Variants in PPP2R5B observed in about 807,000 individuals in gnomAD.
PPP2R5B encodes the protein protein phosphatase 2 regulatory subunit B'beta.
Under a neutral mutation model 59.9 loss-of-function variants are expected in PPP2R5B, and 19 were observed. The ratio of observed to expected loss-of-function variants is 0.32; its 90% CI spans 0.22 to 0.47. The LOEUF is 0.47. Among genes scored for constraint, PPP2R5B ranks in the 20% least tolerant of loss-of-function variants. The pLI is 1.00. For missense variants in PPP2R5B, 441 were observed against 640.2 expected (o/e 0.69, Z 3.36); for synonymous variants, 286 against 260.5 (o/e 1.10, Z -0.94).
chr11:64,921,003 G>A (rs1201384670), upstream of PPP2R5B, among the ~76,000 whole-genome samples: 2 of 148,494 alleles, frequency 1.3e-5, no homozygotes, highest in Admixed American at 6.9e-5. Flanking sequence ...TGCTCAGGCT[G>A]GAGTACAGGG....
rs888012611 is a variant in PPP2R5B, at chr11:64,931,909, TG to T, written c.1116+43del. On this transcript the variant is annotated intron_variant, in intron 11 of 13. Transcript: ENST00000164133. This position sits in a 1 kb window ranked among gnomAD's most constrained non-coding sequence, Gnocchi z 5.0. Reference sequence around the variant, plus strand: ...GGCGGGGATGGGAGCAGGGCTGGCCTGGAAAGGTTGGGTAGCTGACCTAATA... The same window carrying T: ...GGCGGGGATGGGAGCAGGGCTGGCCTGAAAGGTTGGGTAGCTGACCTAATA... 3 of 1,599,764 alleles carry T rather than the reference TG, an allele frequency of 1.9e-6. No individual in the cohort carries two copies. Among genetic ancestry groups the T allele is most frequent in the Non-Finnish European group, 2.6e-6 (3 of 1,173,472 alleles).
In PPP2R5B at chr11:64,931,888, G is replaced by A; in HGVS notation, c.1116+20G>A. The A allele has an allele frequency of 6.2e-7, 1 of 1,612,940 alleles. No individual in the cohort carries two copies. The highest frequency in any genetic ancestry group is 1.1e-5 in the South Asian group (1 of 90,894). On this transcript the variant is annotated intron_variant, in intron 11 of 13. Coordinates refer to ENST00000164133, the MANE Select transcript of PPP2R5B (RefSeq NM_006244.4). The surrounding 1 kb of genome is among the most constrained non-coding windows in gnomAD (Gnocchi z 5.0). The stretch of plus-strand genomic sequence containing the variant: ...TTCCAGGTATGAGGCAGGACAGGCG[G>A]GGATGGGAGCAGGGCTGGCCTGGAA...
chr11:64,928,882 C>T lies in PPP2R5B; in HGVS notation c.722+457C>T, dbSNP rs540515028. 6.6e-5 allele frequency among the ~76,000 whole-genome samples: 10 copies of T among 151,766 alleles called. No individual in the cohort carries two copies. In the East Asian group the frequency reaches 7.8e-4, roughly 12 times the overall value. On this transcript the variant is annotated intron_variant, in intron 6 of 13. Transcript: ENST00000164133. ...GTCCGGCCTGGGCGACAGAGCGAGACGGATGAACCCAGGAGGTGGAGTTTA... is the reference window on the plus strand; with the variant it reads ...GTCCGGCCTGGGCGACAGAGCGAGATGGATGAACCCAGGAGGTGGAGTTTA...
chr11:64,918,804 A>G (rs569955438), intron 1 of PPP2R5B, among the ~76,000 whole-genome samples: 1 of 152,160 alleles, frequency 6.6e-6, no homozygotes, highest in African/African-American at 2.4e-5. Context: ...TTCTATTTTA[A>G]TCTTACTTGG....
At chr11:64,920,963 A>ATATATATATAT (rs1554967940), upstream of PPP2R5B, among the ~76,000 whole-genome samples, 1 of 145,300 alleles carries the variant, frequency 6.9e-6, no homozygotes, top group South Asian at 2.2e-4. Flanking sequence ...ATATATATGT[A>ATATATATATAT]ATTTTTTTTT....
At position 64,925,622 on chromosome 11, in the gene PPP2R5B, C is replaced by CG; in HGVS notation, c.-113_-112insG. Reference sequence around the variant, plus strand: ...CCCAGGACTGTGGTTGTGCCCCCCCCCCAAAGGCCGGACAGGATGGGACCA... The same window carrying CG: ...CCCAGGACTGTGGTTGTGCCCCCCCCGCCAAAGGCCGGACAGGATGGGACCA... On this transcript the variant is annotated 5_prime_UTR_variant, in exon 2 of 14. Transcript: ENST00000164133. This position sits in a 1 kb window ranked among gnomAD's most constrained non-coding sequence, Gnocchi z 4.6. 3.6e-6 allele frequency: 2 copies of CG among 550,494 alleles called. No individual in the cohort carries two copies. Among genetic ancestry groups the CG allele is most frequent in the African/African-American group, 4.1e-5 (2 of 48,440 alleles). 34.1% of individuals were successfully genotyped at this position (550,494 alleles called of 1,614,324 possible).
At chr11:64,932,353 G>C (rs1029022547) in intron 11 of PPP2R5B, among the ~76,000 whole-genome samples, 8 of 152,018 alleles carry the variant, frequency 5.3e-5, no homozygotes, top group African/African-American at 1.9e-4. Context: ...CGTTCTTATG[G>C]GCCATAACCC....
chr11:64,928,417 C>T lies in PPP2R5B; in HGVS notation c.714C>T (p.Ile238=), dbSNP rs1174327530. 9.3e-6 allele frequency: 15 copies of T among 1,614,176 alleles called. No individual in the cohort carries two copies. The highest frequency in any genetic ancestry group is 1.3e-5 in the Non-Finnish European group (15 of 1,179,994). Residue 238 remains isoleucine, a synonymous_variant, in exon 6 of 14, where the codon ATC becomes ATT. Transcript: ENST00000164133. ...ACATCCGCAAACAGTGCAACCACAT[C>T]TTCCTCCGGTGAGTGGCTGCTGCCT... is the stretch of plus-strand genomic sequence containing the variant. ...RAYIRKQCNH[I]FLRFIYEFEH...
chr11:64,929,428 T>A (rs1287620092), intron 6 of PPP2R5B, among the ~76,000 whole-genome samples: 1 of 152,130 alleles, frequency 6.6e-6, no homozygotes, highest in Non-Finnish European at 1.5e-5. Flanking sequence ...TTGCTCGTCT[T>A]TAAAATGGGA....
chr11:64,930,704 T>G, intron 8 of PPP2R5B, 115 bp downstream of exon 8: 1 of 880,984 alleles, frequency 1.1e-6, no homozygotes, highest in Non-Finnish European at 1.8e-6. Context: ...GTCTTTATAA[T>G]TCTGTTCCAT....
At position 64,928,420 on chromosome 11, in the gene PPP2R5B, C is replaced by T; in HGVS notation, c.717C>T (p.Phe239=). The change falls in exon 6 of 14, where the codon TTC becomes TTT. Residue 239 remains phenylalanine, a synonymous_variant. Coordinates refer to ENST00000164133, the MANE Select transcript of PPP2R5B (RefSeq NM_006244.4). The part of the protein sequence containing the change: ...AYIRKQCNHI[F]LRFIYEFEHF... ...TCCGCAAACAGTGCAACCACATCTT[C>T]CTCCGGTGAGTGGCTGCTGCCTGCC... 1 of 1,614,184 alleles carries T rather than the reference C, an allele frequency of 6.2e-7. No individual in the cohort carries two copies. Among genetic ancestry groups the T allele is most frequent in the East Asian group, 2.2e-5 (1 of 44,886 alleles).
chr11:64,928,457 T>C (rs767311122), intron 6 of PPP2R5B, 32 bp downstream of exon 6: 1 of 1,613,592 alleles, frequency 6.2e-7, no homozygotes, highest in Non-Finnish European at 8.5e-7. Flanking sequence ...AGCAGAGACC[T>C]GGGGAGGGTG....
chr11:64,931,692 A>AG lies in PPP2R5B; in HGVS notation c.997-52dup. Reference sequence around the variant, plus strand: ...AAGGCAGTCAGGTGTGTGTATGTGTAGGGGGAGATGTGAGCTGCTGCCCCT... The same window carrying AG: ...AAGGCAGTCAGGTGTGTGTATGTGTAGGGGGGAGATGTGAGCTGCTGCCCCT... On this transcript the variant is annotated intron_variant, in intron 10 of 13. Coordinates refer to ENST00000164133, the MANE Select transcript of PPP2R5B (RefSeq NM_006244.4). The surrounding 1 kb of genome is among the most constrained non-coding windows in gnomAD (Gnocchi z 5.0). 5 of 1,613,946 alleles carry AG rather than the reference A, an allele frequency of 3.1e-6. No homozygotes were observed. Among genetic ancestry groups the AG allele is most frequent in the Non-Finnish European group, 4.2e-6 (5 of 1,179,928 alleles).
intron 3 of PPP2R5B, 32 bp downstream of exon 3, chr11:64,926,940 G>T: frequency 1.2e-6 from 2 of 1,601,218 alleles, no homozygotes; most frequent in Non-Finnish European, 1.7e-6. Flanking sequence ...TCCGAGGGCC[G>T]GCCGAGAGGG....
At chr11:64,922,169 G>A (rs1368678134), upstream of PPP2R5B, among the ~76,000 whole-genome samples, 1 of 150,074 alleles carries the variant, frequency 6.7e-6, no homozygotes, top group Non-Finnish European at 1.5e-5. Flanking sequence ...CCAGGATCGC[G>A]CCACTGCAAA....
chr11:64,918,649 AT>A (rs1041845658), intron 1 of PPP2R5B, among the ~76,000 whole-genome samples: 2 of 148,174 alleles, frequency 1.3e-5, no homozygotes, highest in East Asian at 4.1e-4. Flanking sequence ...TATTTTATTT[AT>A]TTTTTTTGAG....
chr11:64,933,784 C>G lies in PPP2R5B; in HGVS notation c.1434C>G (p.Ala478=). Residue 478 remains alanine (A), a synonymous_variant, in exon 14 of 14, where the codon GCC becomes GCG. Transcript: ENST00000164133. ...GCCGGCTACAGGGGACCCAGGGGGC[C>G]AAGGAGGCCCCCCTCCAGCGGCTTA... The part of the protein sequence containing the change: ...RLRRLQGTQG[A]KEAPLQRLTP... 1 of 1,553,986 alleles carries G rather than the reference C, an allele frequency of 6.4e-7. No homozygotes were observed. Among genetic ancestry groups the G allele is most frequent in the Non-Finnish European group, 8.7e-7 (1 of 1,148,408 alleles).
At chr11:64,922,192 A>AT (rs1554968044), upstream of PPP2R5B, among the ~76,000 whole-genome samples, 4,036 of 151,086 alleles carry the variant, frequency 0.027, 177 homozygotes, top group African/African-American at 0.092. Flanking sequence ...AAAAATAAAA[A>AT]AATAAAATAA....
upstream of PPP2R5B, among the ~76,000 whole-genome samples, chr11:64,921,904 G>A (rs898503836): frequency 1.1e-4 from 17 of 152,094 alleles, no homozygotes; most frequent in African/African-American, 3.6e-4. Context: ...ATAACACAAC[G>A]TGATGCATTT....
Sources: gnomAD v4.1 joint callset for allele counts (sites outside exome capture counted in the v4.1 genomes callset) on GRCh38, gnomAD v4.1.1 for gene constraint, Gnocchi (gnomAD v3.1) non-coding constraint, MANE v1.5 for transcripts, NCBI Gene and HGNC (gene_info 2026-07-23, HGNC 2026-07-21) for gene names.